The following NDUFS4 variants were observed in gnomAD, a reference collection of about 807,000 sequenced individuals.
NDUFS4 encodes the protein NADH:ubiquinone oxidoreductase subunit S4, also known as NADH dehydrogenase [ubiquinone] iron-sulfur protein 4, mitochondrial.
NDUFS4 carries 28 observed loss-of-function variants against 24.3 expected under a neutral mutation model. The observed-to-expected ratio is 1.15, with a 90% confidence interval of 0.85 to 1.58. The LOEUF is 1.58. NDUFS4 is among the 40% of genes most tolerant of loss of function. The probability of loss-of-function intolerance (pLI) is 0.00; values close to 1 mark genes in which losing one functional copy is unlikely to be tolerated. For synonymous variants in NDUFS4, 93 were observed against 69.7 expected (o/e 1.34, Z -1.67); for missense variants, 223 against 207.9 (o/e 1.07, Z -0.45).
At chr5:53,674,856 AT>A (rs1279021376) in intron 4 of NDUFS4, among the ~76,000 whole-genome samples, 1 of 152,170 alleles carries the variant, frequency 6.6e-6, no homozygotes, top group Non-Finnish European at 1.5e-5. Context: ...CGCAAGTGGA[AT>A]AAAAGTCTGT....
At chr5:53,580,103 A>G (rs1228245292) in intron 1 of NDUFS4, among the ~76,000 whole-genome samples, 1 of 152,204 alleles carries the variant, frequency 6.6e-6, no homozygotes, top group Non-Finnish European at 1.5e-5. Context: ...TACTGCAACT[A>G]TAGGAAACTA....
At chr5:53,659,689 A>G (rs985833057) in intron 4 of NDUFS4, among the ~76,000 whole-genome samples, 6 of 152,226 alleles carry the variant, frequency 3.9e-5, no homozygotes, top group Admixed American at 6.5e-5. Flanking sequence ...GTAAGGCAGT[A>G]TATAAAAATA....
At position 53,615,496 on chromosome 5, in the gene NDUFS4, T is replaced by C. The variant is rs146230582; in HGVS notation, c.177+11966T>C. 1.9e-3 allele frequency among the ~76,000 whole-genome samples: 291 copies of C among 152,180 alleles called. 1 individual carries two copies. Among genetic ancestry groups the C allele is most frequent in the African/African-American group, 6.3e-3 (262 of 41,568 alleles). On this transcript the variant is annotated intron_variant, in intron 2 of 4. Coordinates refer to ENST00000296684, the MANE Select transcript of NDUFS4 (RefSeq NM_002495.4). ...TATATGACCTAGTGTCTGCTTCTAT[T>C]CTACTCTTCAAAATACCACCTGCAA...
At chr5:53,572,987 A>T in intron 1 of NDUFS4, among the ~76,000 whole-genome samples, 1 of 118,832 alleles carries the variant, frequency 8.4e-6, no homozygotes, top group Non-Finnish European at 1.7e-5. Flanking sequence ...TTTTTTTTTA[A>T]GAGACCAGGT....
Position 53,664,901 on chromosome 5 carries a change from G to C in NDUFS4, c.424+6277G>C, listed in dbSNP as rs146776204. On this transcript the variant is annotated intron_variant, in intron 4 of 4. Coordinates refer to ENST00000296684, the MANE Select transcript of NDUFS4 (RefSeq NM_002495.4). Reference sequence around the variant, plus strand: ...TGCATTCCTTTGGAGGAGGAGAAGTGCTCTGATTTTTAGAGTTTCCAGTAT... The same window carrying C: ...TGCATTCCTTTGGAGGAGGAGAAGTCCTCTGATTTTTAGAGTTTCCAGTAT... 6.4e-3 allele frequency among the ~76,000 whole-genome samples: 968 copies of C among 152,298 alleles called. 12 individuals carry two copies. Among genetic ancestry groups the C allele is most frequent in the African/African-American group, 0.022 (897 of 41,562 alleles).
intron 4 of NDUFS4, among the ~76,000 whole-genome samples, chr5:53,672,396 G>A (rs557531750): frequency 3.9e-5 from 6 of 152,218 alleles, no homozygotes; most frequent in South Asian, 2.1e-4. Flanking sequence ...ATAAAAAAAC[G>A]TAGTGAATTG....
chr5:53,584,344 C>T (rs1278771921), intron 1 of NDUFS4, among the ~76,000 whole-genome samples: 1 of 151,974 alleles, frequency 6.6e-6, no homozygotes, highest in Non-Finnish European at 1.5e-5. Context: ...ATATGGTTGA[C>T]GGAGTTCAAC....
At chr5:53,643,545 A>T (rs1035203208) in intron 2 of NDUFS4, among the ~76,000 whole-genome samples, 2 of 152,118 alleles carry the variant, frequency 1.3e-5, no homozygotes, top group African/African-American at 2.4e-5. Flanking sequence ...CATTGTTTTA[A>T]TGGAATCTTG....
chr5:53,654,282 A>T (rs1304178396), intron 3 of NDUFS4, among the ~76,000 whole-genome samples: 1 of 152,066 alleles, frequency 6.6e-6, no homozygotes, highest in African/African-American at 2.4e-5. Flanking sequence ...TTCTGATCCA[A>T]TTATATGTTT....
At chr5:53,586,329 CAA>C (rs539748080) in intron 1 of NDUFS4, among the ~76,000 whole-genome samples, 3 of 69,914 alleles carry the variant, frequency 4.3e-5, no homozygotes, top group Admixed American at 2.6e-4. Flanking sequence ...AACTTCATCT[CAA>C]AAAAAAAAAA....
intron 1 of NDUFS4, among the ~76,000 whole-genome samples, chr5:53,585,451 AT>A (rs1749717723): frequency 6.6e-6 from 1 of 152,226 alleles, no homozygotes; most frequent in Non-Finnish European, 1.5e-5. Flanking sequence ...GCTAACCACA[AT>A]GAAAATTTTT....
At chr5:53,594,874 G>T (rs1167442429) in intron 1 of NDUFS4, among the ~76,000 whole-genome samples, 1 of 115,770 alleles carries the variant, frequency 8.6e-6, no homozygotes, top group Non-Finnish European at 1.9e-5. Context: ...GTCTGTGTTT[G>T]TGTGTGTGTG....
chr5:53,662,625 T>C (rs896804555), intron 4 of NDUFS4, among the ~76,000 whole-genome samples: 12 of 152,102 alleles, frequency 7.9e-5, no homozygotes, highest in Non-Finnish European at 1.8e-4. Flanking sequence ...CATCTGGTCC[T>C]GGACTTTTTT....
At chr5:53,609,596 G>A (rs1473241781) in intron 2 of NDUFS4, among the ~76,000 whole-genome samples, 1 of 152,158 alleles carries the variant, frequency 6.6e-6, no homozygotes, top group African/African-American at 2.4e-5. Context: ...GAGTCAGCCT[G>A]TCCTTTGAAG....
rs1329019228 is a variant in NDUFS4 at position 53,603,585 on chromosome 5, A to G, written c.177+55A>G. 3.6e-6 allele frequency: 5 copies of G among 1,370,216 alleles called. No homozygotes were observed. In the Middle Eastern group the frequency reaches 5.4e-4, roughly 148 times the overall value. 84.9% of individuals were successfully genotyped at this position (1,370,216 alleles called of 1,614,324 possible). On this transcript the variant is annotated intron_variant, in intron 2 of 4. Coordinates refer to ENST00000296684, the MANE Select transcript of NDUFS4 (RefSeq NM_002495.4). ...GTTCTGCCTTCAGGGTTATTTTTGT[A>G]CTATAGATATTCAGTATGGTGTTCC... is the stretch of plus-strand genomic sequence containing the variant.
intron 1 of NDUFS4, among the ~76,000 whole-genome samples, chr5:53,575,061 T>C (rs1749339045): frequency 6.6e-6 from 1 of 152,224 alleles, no homozygotes. Context: ...GGATTGCCTA[T>C]GGCTGATTCA....
At chr5:53,574,125 G>A (rs1436252086) in intron 1 of NDUFS4, among the ~76,000 whole-genome samples, 2 of 152,312 alleles carry the variant, frequency 1.3e-5, no homozygotes, top group Non-Finnish European at 1.5e-5. Flanking sequence ...CCAGGAGGAT[G>A]TTAAGAATGG....
At chr5:53,614,906 C>T (rs1034815884) in intron 2 of NDUFS4, among the ~76,000 whole-genome samples, 3 of 151,848 alleles carry the variant, frequency 2.0e-5, no homozygotes, top group African/African-American at 7.2e-5. Context: ...TTGTCATATT[C>T]TAGAGAGTAC....
chr5:53,622,080 C>G (rs888182928), intron 2 of NDUFS4, among the ~76,000 whole-genome samples: 1 of 152,134 alleles, frequency 6.6e-6, no homozygotes, highest in African/African-American at 2.4e-5. Context: ...TACTTACTCA[C>G]AAATTTATCA....
Sources: gnomAD v4.1 joint callset for allele counts (sites outside exome capture counted in the v4.1 genomes callset) on GRCh38, gnomAD v4.1.1 for gene constraint, MANE v1.5 for transcripts, NCBI Gene and HGNC (gene_info 2026-07-23, HGNC 2026-07-21) for gene names.